Variants in COMMD8 observed in about 807,000 individuals in gnomAD.
COMMD8 encodes the protein COMM domain containing 8, also known as COMM domain-containing protein 8.
A neutral mutation model predicts 27.2 loss-of-function variants in COMMD8; 28 were observed. The observed-to-expected ratio is 1.03, with a 90% CI of 0.76 to 1.41. COMMD8 has a LOEUF of 1.41. COMMD8 is among the 40% of genes most tolerant of loss of function. The pLI, the probability that COMMD8 is intolerant of heterozygous loss-of-function variation, is 0.00. For synonymous variants in COMMD8, 79 were observed against 75.5 expected (o/e 1.05, Z -0.24); for missense variants, 217 against 211.2 (o/e 1.03, Z -0.17).
At position 47,453,228 on chromosome 4, in the gene COMMD8, GA is replaced by G. The variant is rs1729800295; in HGVS notation, c.376-15del. The G allele has an allele frequency of 6.2e-7, 1 of 1,605,614 alleles. No homozygotes were observed. Among genetic ancestry groups the G allele is most frequent in the Non-Finnish European group, 8.5e-7 (1 of 1,175,896 alleles). On this transcript the variant is annotated splice_polypyrimidine_tract_variant and intron_variant, in intron 3 of 4. Coordinates refer to ENST00000381571, the MANE Select transcript of COMMD8 (RefSeq NM_017845.5). ...GGAAAGTGCAAGCTGTTTAAAATCA[GA>G]AAAATAGCAATTAATAAATAGTAAA...
intron 1 of COMMD8, among the ~76,000 whole-genome samples, chr4:47,462,204 G>A (rs1730042927): frequency 6.6e-6 from 1 of 152,224 alleles, no homozygotes; most frequent in South Asian, 2.1e-4. Context: ...CAGGTTGGAA[G>A]ATGTAAGAGA....
chr4:47,460,335 T>C (rs760361203), intron 1 of COMMD8, 36 bp from the exon 2 acceptor site: 7 of 1,563,006 alleles, frequency 4.5e-6, no homozygotes, highest in East Asian at 2.3e-5. Context: ...TACTTATAAG[T>C]AAAATGATGA....
At chr4:47,453,914 G>A (rs1729821041) in intron 3 of COMMD8, among the ~76,000 whole-genome samples, 1 of 152,124 alleles carries the variant, frequency 6.6e-6, no homozygotes, top group Admixed American at 6.6e-5. Context: ...GCTGCCACTT[G>A]CAAAAAAATT....
At chr4:47,463,442 G>C (rs1029268167) in intron 1 of COMMD8, 144 bp downstream of exon 1, 4 of 764,342 alleles carry the variant, frequency 5.2e-6, no homozygotes, top group Non-Finnish European at 8.3e-6. Flanking sequence ...GGAAGGCGGG[G>C]ACCAACCACC....
chr4:47,456,472 A>C (rs1377388826), intron 3 of COMMD8, 105 bp downstream of exon 3: 1 of 744,070 alleles, frequency 1.3e-6, no homozygotes, highest in Non-Finnish European at 2.0e-6. Context: ...TTTCTTTGGG[A>C]TAATACATTC....
chr4:47,456,298 ATATG>A (rs1196408921), intron 3 of COMMD8, among the ~76,000 whole-genome samples: 4 of 131,168 alleles, frequency 3.0e-5, no homozygotes, highest in South Asian at 2.4e-4. Flanking sequence ...ATATATATAT[ATATG>A]TATATGTTGA....
At position 47,460,309 on chromosome 4, in the gene COMMD8, A is replaced by G; in HGVS notation, c.67-10T>C. On this transcript the variant is annotated splice_polypyrimidine_tract_variant and intron_variant, in intron 1 of 4. Transcript: ENST00000381571. ...TTATTTTGTGAAGAAGCTAGCAAGAAAAAAGGAAATAAATGTACTTATAAG... is the reference window on the plus strand; with the variant it reads ...TTATTTTGTGAAGAAGCTAGCAAGAGAAAAGGAAATAAATGTACTTATAAG... The G allele has an allele frequency of 6.2e-7, 1 of 1,607,998 alleles. No homozygotes were observed. The highest frequency in any genetic ancestry group is 8.5e-7 in the Non-Finnish European group (1 of 1,177,304).
chr4:47,456,819 G>A, intron 2 of COMMD8, 90 bp from the exon 3 acceptor site: 4 of 919,180 alleles, frequency 4.4e-6, no homozygotes, highest in Non-Finnish European at 6.3e-6. Context: ...TAAAGCAACA[G>A]TAAAAGAAAA....
chr4:47,463,120 C>A (rs1730104097), intron 1 of COMMD8, among the ~76,000 whole-genome samples: 1 of 152,130 alleles, frequency 6.6e-6, no homozygotes, highest in Admixed American at 6.5e-5. Context: ...CCTCTTGGGA[C>A]GATCCTAACT....
chr4:47,456,297 T>TATATAC (rs1729886809), intron 3 of COMMD8, among the ~76,000 whole-genome samples: 2 of 142,836 alleles, frequency 1.4e-5, no homozygotes, highest in South Asian at 4.5e-4. Flanking sequence ...TATATATATA[T>TATATAC]ATATGTATAT....
Position 47,451,571 on chromosome 4 carries a change from G to T in COMMD8, c.*74C>A. The T allele has an allele frequency of 8.7e-7, 1 of 1,152,584 alleles. No individual in the cohort carries two copies. Among genetic ancestry groups the T allele is most frequent in the South Asian group, 1.2e-5 (1 of 80,010 alleles). 71.4% of individuals were successfully genotyped at this position (1,152,584 alleles called of 1,614,324 possible). On this transcript the variant is annotated 3_prime_UTR_variant, in exon 5 of 5. Coordinates refer to ENST00000381571, the MANE Select transcript of COMMD8 (RefSeq NM_017845.5). The stretch of plus-strand genomic sequence containing the variant: ...ACAGTCAAGACATCACAAGGTTTCT[G>T]AACACGCAGTATTCACTCTGCCATA...
intron 2 of COMMD8, among the ~76,000 whole-genome samples, chr4:47,458,984 C>T (rs1729955416): frequency 6.6e-6 from 1 of 151,946 alleles, no homozygotes; most frequent in African/African-American, 2.4e-5. Flanking sequence ...ACTTGACCTC[C>T]ACTCCATACA....
Position 47,458,424 on chromosome 4 carries a change from A to G in COMMD8, c.223-1695T>C, listed in dbSNP as rs1398813142. Reference sequence around the variant, plus strand: ...AGGTATATAAAAATCAACTGTACATACTAGCAAAAAACTACTGAAAAATTA... The same window carrying G: ...AGGTATATAAAAATCAACTGTACATGCTAGCAAAAAACTACTGAAAAATTA... On this transcript the variant is annotated intron_variant, in intron 2 of 4. Coordinates refer to ENST00000381571, the MANE Select transcript of COMMD8 (RefSeq NM_017845.5). Among the ~76,000 whole-genome samples the G allele has an allele frequency of 2.6e-5, 4 of 152,144 alleles. No individual in the cohort carries two copies. In the East Asian group the frequency reaches 7.7e-4, roughly 29 times the overall value.
chr4:47,453,369 A>G (rs988098933), intron 3 of COMMD8, among the ~76,000 whole-genome samples, 155 bp from the exon 4 acceptor site: 6 of 152,244 alleles, frequency 3.9e-5, no homozygotes, highest in African/African-American at 1.2e-4. Flanking sequence ...ATGCTAAAGC[A>G]TATTTGAAGA....
At chr4:47,463,399 T>A (rs1018616671) in intron 1 of COMMD8, among the ~76,000 whole-genome samples, 187 bp downstream of exon 1, 1 of 152,176 alleles carries the variant, frequency 6.6e-6, no homozygotes, top group Admixed American at 6.5e-5. Flanking sequence ...AGGCTGGGGG[T>A]GGCGCCCCAA....
At chr4:47,462,346 C>T (rs1391029458) in intron 1 of COMMD8, among the ~76,000 whole-genome samples, 1 of 151,878 alleles carries the variant, frequency 6.6e-6, no homozygotes, top group South Asian at 2.1e-4. Flanking sequence ...ATGGATGAAA[C>T]CTAGAACGTC....
intron 1 of COMMD8, among the ~76,000 whole-genome samples, chr4:47,461,641 A>G (rs1253284234): frequency 1.3e-5 from 2 of 152,342 alleles, no homozygotes; most frequent in South Asian, 2.1e-4. Flanking sequence ...AAGTCATGGA[A>G]ATGACCTTAT....
chr4:47,454,146 A>G (rs1729827504), intron 3 of COMMD8, among the ~76,000 whole-genome samples: 1 of 152,228 alleles, frequency 6.6e-6, no homozygotes, highest in Non-Finnish European at 1.5e-5. Flanking sequence ...CCTATGCTTG[A>G]ATACCACCAA....
chr4:47,453,693 C>A lies in COMMD8; in HGVS notation c.376-479G>T, dbSNP rs188573942. Among the ~76,000 whole-genome samples the A allele has an allele frequency of 2.2e-4, 33 of 152,248 alleles. 1 individual carries two copies. The East Asian group carries it at 5.4e-3, about 25-fold the overall frequency. On this transcript the variant is annotated intron_variant, in intron 3 of 4. Transcript: ENST00000381571. ...ATCAAGATACCATCTTCAATTAGAGCCACTCAACAGAAACACTCTGTACAT... is the reference window on the plus strand; with the variant it reads ...ATCAAGATACCATCTTCAATTAGAGACACTCAACAGAAACACTCTGTACAT...
Sources: allele counts gnomAD v4.1 joint callset (sites outside exome capture counted in the v4.1 genomes callset), GRCh38; gene constraint gnomAD v4.1.1; transcripts MANE v1.5; gene names NCBI Gene and HGNC (gene_info 2026-07-23, HGNC 2026-07-21).